Variants in TRPC5 observed in about 807,000 individuals in gnomAD.
TRPC5 encodes transient receptor potential cation channel subfamily C member 5.
In TRPC5, 9 loss-of-function variants were observed where a neutral mutation model predicts 56.5. The observed-to-expected ratio is 0.16, with a 90% CI of 0.10 to 0.28. TRPC5 has a LOEUF of 0.28. Among genes scored for constraint, TRPC5 ranks in the 10% least tolerant of loss-of-function variants. TRPC5 has a pLI of 1.00. For synonymous variants in TRPC5, 282 were observed against 278.5 expected (o/e 1.01, Z -0.13); for missense variants, 469 against 748.9 (o/e 0.63, Z 4.36).
At chrX:111,868,205 T>C (rs974760409) in intron 3 of TRPC5, among the ~76,000 whole-genome samples, 2 of 111,894 alleles carry the variant, frequency 1.8e-5, no homozygotes, top group Non-Finnish European at 3.8e-5. Context: ...AGTCCCCTCA[T>C]AGAAGCAGAG....
intron 2 of TRPC5, among the ~76,000 whole-genome samples, chrX:111,915,002 G>A (rs1463009120): frequency 9.1e-6 from 1 of 110,422 alleles, no homozygotes; most frequent in Non-Finnish European, 1.9e-5. Flanking sequence ...GGATTCCCTG[G>A]GTTCGATTAT....
intron 1 of TRPC5, among the ~76,000 whole-genome samples, chrX:111,967,944 A>G (rs1454255590): frequency 9.0e-6 from 1 of 110,832 alleles, no homozygotes; most frequent in Non-Finnish European, 1.9e-5. Flanking sequence ...CACCAAAAGC[A>G]ATGGCAACCA....
At chrX:112,019,889 T>C (rs952587147) in intron 1 of TRPC5, among the ~76,000 whole-genome samples, 4 of 112,091 alleles carry the variant, frequency 3.6e-5, no homozygotes, top group Non-Finnish European at 7.5e-5. Flanking sequence ...TGAGATCTGA[T>C]GAGCTTAAAA....
At chrX:111,965,493 C>A (rs1336076734) in intron 1 of TRPC5, among the ~76,000 whole-genome samples, 1 of 111,746 alleles carries the variant, frequency 8.9e-6, no homozygotes, top group Non-Finnish European at 1.9e-5. Flanking sequence ...ATCTACAGAA[C>A]TCTCCACCCC....
chrX:112,034,738 C>T (rs925522875), intron 1 of TRPC5, among the ~76,000 whole-genome samples: 18 of 110,079 alleles, frequency 1.6e-4, no homozygotes, highest in Non-Finnish European at 3.0e-4. Flanking sequence ...TTATCTAGGT[C>T]ATCTAATTTG....
At position 111,944,303 on chromosome X, in the gene TRPC5, T is replaced by TGTGAGA. The variant is rs1173179815; in HGVS notation, c.378+7739_378+7740insTCTCAC. Among the ~76,000 whole-genome samples, 348 of 61,315 alleles carry TGTGAGA rather than the reference T, an allele frequency of 5.7e-3. 3 individuals carry two copies. Among genetic ancestry groups the TGTGAGA allele is most frequent in the South Asian group, 7.6e-3 (12 of 1,570 alleles). The allele number at this position is 61,315 out of a possible 115,157, so 53.2% of individuals were successfully genotyped here. On this transcript the variant is annotated intron_variant, in intron 2 of 10. Coordinates refer to ENST00000262839, the MANE Select transcript of TRPC5 (RefSeq NM_012471.3). ...GTGTGTGTGTGTGTGTGTGTGTGTG[T>TGTGAGA]GAGAGAGAGAGAGAGAGAGAGAGAG...
At chrX:111,875,832 AC>A (rs1437395558) in intron 3 of TRPC5, among the ~76,000 whole-genome samples, 1 of 109,597 alleles carries the variant, frequency 9.1e-6, no homozygotes, top group Non-Finnish European at 1.9e-5. Flanking sequence ...ATGGCTGTTC[AC>A]ATCTCCCAGG....
chrX:111,961,813 G>A (rs1393184719), intron 1 of TRPC5, among the ~76,000 whole-genome samples: 1 of 111,974 alleles, frequency 8.9e-6, no homozygotes, highest in Non-Finnish European at 1.9e-5. Flanking sequence ...TTTAACAGCA[G>A]TGGCTTTCTA....
intron 1 of TRPC5, among the ~76,000 whole-genome samples, chrX:112,072,090 C>G (rs889628703): frequency 8.9e-6 from 1 of 111,981 alleles, no homozygotes; most frequent in African/African-American, 3.3e-5. Context: ...GTAAGTGACT[C>G]TACTTCTAAG....
chrX:112,004,278 G>C (rs777316404), intron 1 of TRPC5, among the ~76,000 whole-genome samples: 1 of 109,044 alleles, frequency 9.2e-6, no homozygotes, highest in Non-Finnish European at 1.9e-5. Context: ...GAGGGCATAA[G>C]AGTCTGGCTG....
chrX:111,822,003 A>G (rs1240523938), intron 7 of TRPC5, among the ~76,000 whole-genome samples: 2 of 111,508 alleles, frequency 1.8e-5, no homozygotes, highest in African/African-American at 6.5e-5. Context: ...CTGAACCTCA[A>G]CTCTGATACT....
chrX:111,861,076 GA>G (rs778269054), intron 3 of TRPC5, among the ~76,000 whole-genome samples: 11 of 112,152 alleles, frequency 9.8e-5, no homozygotes, highest in Non-Finnish European at 1.9e-4. Context: ...TCAATTACAT[GA>G]AAATTGTGTT....
rs1482500648 is a variant in TRPC5, at chrX:111,769,913, A to G, written c.*6400T>C. Among the ~76,000 whole-genome samples, 1 of 111,680 alleles carries G rather than the reference A, an allele frequency of 9.0e-6. No individual in the cohort carries two copies. The highest frequency in any genetic ancestry group is 1.9e-5 in the Non-Finnish European group (1 of 53,085). ...TCTTATAGGATCATGATTTTCTACC[A>G]TTGAGGATATTCAGAGATTGTACTG... On this transcript the variant is annotated 3_prime_UTR_variant, in exon 11 of 11. Transcript: ENST00000262839.
chrX:112,044,415 G>T (rs1929971036), intron 1 of TRPC5, among the ~76,000 whole-genome samples: 1 of 111,671 alleles, frequency 9.0e-6, no homozygotes, highest in Admixed American at 9.5e-5. Flanking sequence ...ATTCTAGCTT[G>T]GGAAAATCTC....
chrX:111,795,259 A>G (rs1009733577), intron 7 of TRPC5, among the ~76,000 whole-genome samples: 1 of 111,105 alleles, frequency 9.0e-6, no homozygotes, highest in Non-Finnish European at 1.9e-5. Flanking sequence ...CGCTAAGTTT[A>G]ATGTTAGCTG....
intron 1 of TRPC5, among the ~76,000 whole-genome samples, chrX:112,067,573 G>A (rs923658823): frequency 1.1e-4 from 12 of 111,451 alleles, no homozygotes; most frequent in Non-Finnish European, 1.7e-4. Flanking sequence ...CAGGACTTCC[G>A]TATCTGTCTG....
intron 1 of TRPC5, among the ~76,000 whole-genome samples, chrX:112,044,653 G>T (rs1308533124): frequency 1.8e-5 from 2 of 112,129 alleles, no homozygotes; most frequent in African/African-American, 6.5e-5. Flanking sequence ...GCTACAGTTT[G>T]CTTTCTTCTC....
intron 3 of TRPC5, among the ~76,000 whole-genome samples, chrX:111,900,959 C>A (rs1925312948): frequency 9.0e-6 from 1 of 110,940 alleles, no homozygotes; most frequent in South Asian, 3.8e-4. Context: ...GCAAAGCCCA[C>A]TAGACACGCA....
At chrX:111,854,216 A>G (rs372437101) in intron 3 of TRPC5, 110 bp from the exon 4 acceptor site, 2 of 829,542 alleles carry the variant, frequency 2.4e-6, no homozygotes, top group Admixed American at 3.2e-5. Context: ...TACATGGCCA[A>G]TCCCCAGAAG....
Sources: gnomAD v4.1 joint callset for allele counts (sites outside exome capture counted in the v4.1 genomes callset) on GRCh38, gnomAD v4.1.1 for gene constraint, MANE v1.5 for transcripts, NCBI Gene and HGNC (gene_info 2026-07-23, HGNC 2026-07-21) for gene names.